Variants in TECPR1 observed in about 807,000 individuals in gnomAD.
TECPR1 encodes the protein tectonin beta-propeller repeat containing 1.
Under a neutral mutation model 162.4 loss-of-function variants are expected in TECPR1, and 122 were observed. That is an observed-to-expected ratio of 0.75 (90% confidence interval 0.65 to 0.87). TECPR1 has a LOEUF of 0.87. Ranked by LOEUF, TECPR1 falls within the 40% of genes least tolerant of loss-of-function variation. The probability of loss-of-function intolerance (pLI) is 0.00; values close to 1 mark genes in which losing one functional copy is unlikely to be tolerated. For synonymous variants in TECPR1, 642 were observed against 670.6 expected (o/e 0.96, Z 0.66); for missense variants, 1,432 against 1,618.2 (o/e 0.88, Z 1.97).
intron 20 of TECPR1, 147 bp from the exon 21 acceptor site, chr7:98,223,317 C>A (rs1443570618): frequency 1.1e-4 from 79 of 740,410 alleles, no homozygotes; most frequent in Admixed American, 3.3e-4. Context: ...TCCCCACCCC[C>A]ACCCCCATCC....
chr7:98,217,459 G>A lies in TECPR1; in HGVS notation c.3429C>T (p.Ala1143=), dbSNP rs1218399564. 2 of 1,610,414 alleles carry A rather than the reference G, an allele frequency of 1.2e-6. No individual in the cohort carries two copies. The highest frequency in any genetic ancestry group is 1.7e-6 in the Non-Finnish European group (2 of 1,178,784). ...CCTGCTCCTGGGACGAGCTCCGGGG[G>A]GCCCTGGTGGCATTGGCCCGGACAG... The part of the protein sequence containing the change: ...HISVRANATR[A]PRSSSQEQEP... The change falls in exon 26 of 26, where the codon GCC becomes GCT. Residue 1143 remains alanine, a synonymous_variant. Coordinates refer to ENST00000447648, the MANE Select transcript of TECPR1 (RefSeq NM_015395.3).
chr7:98,219,164 G>T (rs1305872667), intron 23 of TECPR1, among the ~76,000 whole-genome samples: 2 of 152,180 alleles, frequency 1.3e-5, no homozygotes, highest in African/African-American at 4.8e-5. Context: ...AATAAATGGT[G>T]CTGGGTAAAC....
intron 19 of TECPR1, 48 bp from the exon 20 acceptor site, chr7:98,223,766 T>G: frequency 1.3e-6 from 2 of 1,598,232 alleles, no homozygotes; most frequent in Non-Finnish European, 1.7e-6. Flanking sequence ...TGGAAGTTTC[T>G]GGAAAGGGAC....
At chr7:98,236,964 C>T in intron 9 of TECPR1, 43 bp from the exon 10 acceptor site, 1 of 1,485,134 alleles carries the variant, frequency 6.7e-7, no homozygotes, top group South Asian at 1.4e-5. Flanking sequence ...GGGCGCAGGC[C>T]CGGGGGCTCT....
chr7:98,240,988 C>G (rs1373450875), intron 7 of TECPR1, 37 bp from the exon 8 acceptor site: 2 of 1,588,696 alleles, frequency 1.3e-6, no homozygotes, highest in East Asian at 2.3e-5. Flanking sequence ...TGGCCCCCAT[C>G]AGCCTGGACA....
intron 22 of TECPR1, 69 bp from the exon 23 acceptor site, chr7:98,221,822 C>T: frequency 7.8e-7 from 1 of 1,279,746 alleles, no homozygotes; most frequent in Non-Finnish European, 1.1e-6. Flanking sequence ...GGGCTGTGGG[C>T]CTCGGTCCCC....
rs759950122 is a variant in TECPR1 at position 98,225,042 on chromosome 7, C to T, written c.2574G>A (p.Lys858=). The T allele has an allele frequency of 5.0e-5, 78 of 1,560,210 alleles. No individual in the cohort carries two copies. The highest frequency in any genetic ancestry group is 6.3e-5 in the Non-Finnish European group (73 of 1,154,656). The change falls in exon 18 of 26, where the codon AAG becomes AAA. Residue 858 remains lysine, a synonymous_variant. Coordinates refer to ENST00000447648, the MANE Select transcript of TECPR1 (RefSeq NM_015395.3). ...GCAGGGACGGGGGCTTCGTGCCAGC[C>T]TTCGTGCACTCCTGCAGCCCCGAGG... ...SDASGLQECT[K]AGTKPPSLQW...
intron 6 of TECPR1, among the ~76,000 whole-genome samples, chr7:98,242,967 T>C (rs1185710947): frequency 2.6e-5 from 1 of 38,064 alleles, no homozygotes; most frequent in African/African-American, 9.8e-5. Context: ...CATCCACACA[T>C]CCACCCACAC....
intron 2 of TECPR1, chr7:98,251,023 TGGCTGTGAGCTGATCA>T: frequency 6.6e-6 from 1 of 152,292 alleles, no homozygotes; most frequent in Admixed American, 6.5e-5. Flanking sequence ...GGCCACTTTC[TGGCTGTGAGCTGATCA>T]GGCAACTTAC....
rs1349944428 is a variant in TECPR1, at chr7:98,217,475, G to T, written c.3413C>A (p.Ala1138Asp). 1 of 1,609,738 alleles carries T rather than the reference G, an allele frequency of 6.2e-7. No homozygotes were observed. Among genetic ancestry groups the T allele is most frequent in the South Asian group, 1.1e-5 (1 of 90,338 alleles). ...GCTCCGGGGGGCCCTGGTGGCATTG[G>T]CCCGGACAGAGATATGGTCCCAGCC... ...GGGWDHISVR[A>D]NATRAPRSSS... The change falls in exon 26 of 26, where the codon GCC (alanine) becomes GAC (aspartate). Residue 1138 changes from alanine to aspartate, a missense_variant. Transcript: ENST00000447648.
intron 9 of TECPR1, 132 bp downstream of exon 9, chr7:98,238,377 G>T: frequency 1.3e-6 from 1 of 743,728 alleles, no homozygotes; most frequent in South Asian, 1.7e-5. Flanking sequence ...ACCTCAGAAA[G>T]AACTTCTTGC....
intron 13 of TECPR1, 144 bp downstream of exon 13, chr7:98,231,660 T>G: frequency 2.3e-6 from 1 of 429,232 alleles, no homozygotes. Flanking sequence ...ACCCCTCCCC[T>G]GGGTACCCTC....
chr7:98,235,000 T>C (rs1798555845), intron 10 of TECPR1, among the ~76,000 whole-genome samples: 2 of 152,164 alleles, frequency 1.3e-5, no homozygotes, highest in South Asian at 4.1e-4. Flanking sequence ...AGGTGTGAGC[T>C]ACCGCACCCA....
Position 98,236,771 on chromosome 7 carries a change from G to T in TECPR1, c.1181+5C>A. The stretch of plus-strand genomic sequence containing the variant: ...ACTCCTGCGCACCCTGCCACCCCCA[G>T]TCACCTGAGGAGACTAGACGAGCTG... On this transcript the variant is annotated splice_donor_5th_base_variant and intron_variant, in intron 10 of 25. Coordinates refer to ENST00000447648, the MANE Select transcript of TECPR1 (RefSeq NM_015395.3). 6.3e-7 allele frequency: 1 copy of T among 1,593,952 alleles called. No individual in the cohort carries two copies. The highest frequency in any genetic ancestry group is 2.3e-5 in the East Asian group (1 of 43,664).
At chr7:98,245,480 C>T (rs951282932) in intron 3 of TECPR1, among the ~76,000 whole-genome samples, 5 of 151,906 alleles carry the variant, frequency 3.3e-5, no homozygotes, top group Non-Finnish European at 7.4e-5. Context: ...TTTGGAGGGG[C>T]GGGGTGCAGG....
At chr7:98,242,747 CTA>C (rs1283175286) in intron 6 of TECPR1, among the ~76,000 whole-genome samples, 2 of 81,942 alleles carry the variant, frequency 2.4e-5, no homozygotes, top group African/African-American at 4.0e-5. Context: ...ATCCATCCAT[CTA>C]CACACCCACC....
rs537683239 is a variant in TECPR1 at position 98,241,366 on chromosome 7, C to T, written c.658-122G>A. ...CTGACCGTCCAGATCTCACTCCCTG[C>T]CCCCTACCCCGGCCAAAAAACGCAA... is the stretch of plus-strand genomic sequence containing the variant. On this transcript the variant is annotated intron_variant, in intron 6 of 25. Transcript: ENST00000447648. The surrounding 1 kb of genome is among the most constrained non-coding windows in gnomAD (Gnocchi z 5.0). 739 of 1,245,210 alleles carry T rather than the reference C, an allele frequency of 5.9e-4. 6 individuals carry two copies. In the South Asian group the frequency reaches 0.01, roughly 17 times the overall value. The allele number at this position is 1,245,210 out of a possible 1,614,324, so 77.1% of individuals were successfully genotyped here. A position where few individuals can be genotyped will look rare whatever the true frequency, so the allele number is the denominator to read the frequency against.
chr7:98,250,093 C>T (rs1799023596), intron 2 of TECPR1, among the ~76,000 whole-genome samples: 2 of 152,062 alleles, frequency 1.3e-5, no homozygotes, highest in African/African-American at 4.8e-5. Context: ...AAATACTTCT[C>T]CAGGGAAAAC....
intron 9 of TECPR1, among the ~76,000 whole-genome samples, chr7:98,238,201 G>C (rs890012516): frequency 1.3e-5 from 2 of 152,230 alleles, no homozygotes; most frequent in African/African-American, 4.8e-5. Flanking sequence ...AAAGGGCCTA[G>C]GTGGCCTGGC....
Sources: allele counts gnomAD v4.1 joint callset (sites outside exome capture counted in the v4.1 genomes callset), GRCh38; gene constraint gnomAD v4.1.1; non-coding constraint Gnocchi (gnomAD v3.1); transcripts MANE v1.5; gene names NCBI Gene and HGNC (gene_info 2026-07-23, HGNC 2026-07-21).